GLIS3: variants seen among roughly 807,000 people sequenced by gnomAD.
The protein encoded by GLIS3 is zinc finger protein GLIS3.
A neutral mutation model predicts 78.6 loss-of-function variants in GLIS3; 53 were observed. That is an observed-to-expected ratio of 0.67 (90% CI 0.54 to 0.85). GLIS3 has a LOEUF of 0.85. Among genes scored for constraint, GLIS3 ranks in the 40% least tolerant of loss-of-function variants. The pLI is 0.00. For missense variants in GLIS3, 1,703 were observed against 1,231.1 expected, an observed-to-expected ratio of 1.38 and a Z score of -5.74; for synonymous variants, 684 against 509.9, an observed-to-expected ratio of 1.34 and a Z score of -4.60.
chr9:3,853,480 C>T (rs1242361142), intron 9 of GLIS3, among the ~76,000 whole-genome samples: 1 of 150,766 alleles, frequency 6.6e-6, no homozygotes, highest in African/African-American at 2.4e-5. Context: ...AACATTATCC[C>T]TATTCTCAAA....
intron 4 of GLIS3, among the ~76,000 whole-genome samples, chr9:3,999,056 G>C (rs1274628835): frequency 1.3e-5 from 2 of 151,888 alleles, no homozygotes; most frequent in Non-Finnish European, 2.9e-5. Context: ...TTTGTACCTT[G>C]CTTATTTCCA....
At chr9:3,945,043 C>A (rs1816198306) in intron 4 of GLIS3, among the ~76,000 whole-genome samples, 1 of 152,176 alleles carries the variant, frequency 6.6e-6, no homozygotes, top group Non-Finnish European at 1.5e-5. Flanking sequence ...TTAGCCCAGG[C>A]CCATAGGAGC....
chr9:4,467,245 G>A, the GLIS3 span, among the ~76,000 whole-genome samples: 150 of 152,334 alleles, frequency 9.8e-4, 1 homozygote, highest in Middle Eastern at 3.4e-3. Context: ...AACTTCTACA[G>A]ACTTAAACGT....
the GLIS3 span, chr9:4,386,688 T>C: frequency 2.7e-4 from 41 of 152,238 alleles, 2 homozygotes; most frequent in Admixed American, 2.7e-3. Context: ...CACTGATTAC[T>C]TGGGGTATGC....
chr9:4,196,479 G>A (rs186922884), intron 2 of GLIS3, among the ~76,000 whole-genome samples: 145 of 152,330 alleles, frequency 9.5e-4, no homozygotes, highest in Non-Finnish European at 1.8e-3. Context: ...GGTCCGCACT[G>A]CCTTTATGAG....
chr9:3,912,135 T>C (rs944151528), intron 6 of GLIS3, among the ~76,000 whole-genome samples: 12 of 152,178 alleles, frequency 7.9e-5, no homozygotes, highest in Non-Finnish European at 4.4e-5. Flanking sequence ...CTCCGTAGGC[T>C]TGTAACAGAA....
At chr9:3,840,131 A>G (rs183333794) in intron 9 of GLIS3, among the ~76,000 whole-genome samples, 1 of 152,328 alleles carries the variant, frequency 6.6e-6, no homozygotes, top group African/African-American at 2.4e-5. Context: ...AGTGTTTATA[A>G]AAGCATTTGG....
At chr9:4,444,684 T>A in the GLIS3 span, among the ~76,000 whole-genome samples, 19 of 152,210 alleles carry the variant, frequency 1.2e-4, no homozygotes, top group African/African-American at 4.6e-4. Flanking sequence ...GATGAACACA[T>A]ATGAAGAGCC....
At chr9:3,875,961 C>G (rs1452003886) in intron 8 of GLIS3, among the ~76,000 whole-genome samples, 5 of 152,306 alleles carry the variant, frequency 3.3e-5, no homozygotes, top group African/African-American at 1.2e-4. Flanking sequence ...AATCACTCAG[C>G]TATGCCAAAG....
chr9:3,877,663 G>A (rs1020350896), intron 8 of GLIS3, among the ~76,000 whole-genome samples: 2 of 151,926 alleles, frequency 1.3e-5, no homozygotes, highest in Admixed American at 6.6e-5. Context: ...ATGAATTTTG[G>A]TCCCTCCTCT....
chr9:4,029,075 A>C (rs1231446636), intron 4 of GLIS3, among the ~76,000 whole-genome samples: 1 of 152,160 alleles, frequency 6.6e-6, no homozygotes, highest in Non-Finnish European at 1.5e-5. Flanking sequence ...ATCTAATTCT[A>C]AAAGTAGTTT....
At chr9:4,260,580 A>AG (rs1825424437) in intron 2 of GLIS3, among the ~76,000 whole-genome samples, 1 of 151,144 alleles carries the variant, frequency 6.6e-6, no homozygotes, top group African/African-American at 2.4e-5. Context: ...AAAAAAAAAA[A>AG]AAGATAAATA....
At chr9:4,409,277 TTTAAA>T in the GLIS3 span, among the ~76,000 whole-genome samples, 1 of 152,230 alleles carries the variant, frequency 6.6e-6, no homozygotes, top group Non-Finnish European at 1.5e-5. Flanking sequence ...ATTCTGATCC[TTTAAA>T]TTATTTCAGG....
At chr9:4,369,732 C>G in the GLIS3 span, among the ~76,000 whole-genome samples, 1 of 152,138 alleles carries the variant, frequency 6.6e-6, no homozygotes, top group Non-Finnish European at 1.5e-5. Flanking sequence ...AGATCACTGA[C>G]TATCAGAATC....
At chr9:4,317,618 T>A (rs1181700993) in intron 2 of GLIS3, among the ~76,000 whole-genome samples, 1 of 152,258 alleles carries the variant, frequency 6.6e-6, no homozygotes, top group Non-Finnish European at 1.5e-5. Flanking sequence ...ATGATACCTA[T>A]TTTCATTAGT....
intron 2 of GLIS3, among the ~76,000 whole-genome samples, chr9:4,327,835 T>A (rs1817624725): frequency 6.6e-6 from 1 of 152,294 alleles, no homozygotes; most frequent in African/African-American, 2.4e-5. Flanking sequence ...CTCCTCGAGG[T>A]GCATCTGAAG....
the GLIS3 span, among the ~76,000 whole-genome samples, chr9:4,472,590 T>C: frequency 5.1e-3 from 609 of 118,290 alleles, 2 homozygotes; most frequent in African/African-American, 0.02. Context: ...GGGAACATCA[T>C]ACACGGGGGC....
At chr9:4,201,326 C>A (rs529164359) in intron 2 of GLIS3, among the ~76,000 whole-genome samples, 1 of 152,164 alleles carries the variant, frequency 6.6e-6, no homozygotes, top group East Asian at 1.9e-4. Context: ...ACTGGAAGTC[C>A]TTACCAAACC....
At chr9:4,309,008 C>G (rs1817296045) in intron 3 of GLIS3, 1 of 152,228 alleles carries the variant, frequency 6.6e-6, no homozygotes, top group African/African-American at 2.4e-5. Flanking sequence ...ATTTGCCTCA[C>G]AGCATTGTTT....
Sources: gnomAD v4.1 joint callset for allele counts (sites outside exome capture counted in the v4.1 genomes callset) on GRCh38, gnomAD v4.1.1 for gene constraint, MANE v1.5 for transcripts, NCBI Gene and HGNC (gene_info 2026-07-23, HGNC 2026-07-21) for gene names.